Variants in SH3TC1 observed in about 807,000 individuals in gnomAD.
SH3TC1 encodes SH3 domain and tetratricopeptide repeats 1.
A neutral mutation model predicts 117.3 loss-of-function variants in SH3TC1; 135 were observed. The ratio of observed to expected loss-of-function variants is 1.15; its 90% CI spans 1.00 to 1.33. The LOEUF is 1.33. Among genes scored for constraint, SH3TC1 ranks in the 40% most tolerant of loss-of-function variants. SH3TC1 has a pLI of 0.00. For synonymous variants in SH3TC1, 898 were observed against 816.9 expected, an observed-to-expected ratio of 1.10 and a Z score of -1.69; for missense variants, 2,092 against 1,794.3, an observed-to-expected ratio of 1.17 and a Z score of -3.00.
At chr4:8,213,645 C>A (rs906314511) in intron 4 of SH3TC1, among the ~76,000 whole-genome samples, 6 of 152,126 alleles carry the variant, frequency 3.9e-5, no homozygotes, top group Non-Finnish European at 7.3e-5. Flanking sequence ...CACCTGTAAT[C>A]CTAGCACTTT....
intron 13 of SH3TC1, chr4:8,233,030 T>A: frequency 8.3e-7 from 1 of 1,212,094 alleles, no homozygotes; most frequent in Non-Finnish European, 1.0e-6. Flanking sequence ...TTGAGAACCA[T>A]CGGCCTGGAT....
chr4:8,209,599 G>T lies in SH3TC1; in HGVS notation c.173-149G>T. Reference sequence around the variant, plus strand: ...TTCCCTCCTTGCTGGGCTCTGGGGAGACTGGAGGAAGGCAGCTGTGGGAAA... The same window carrying T: ...TTCCCTCCTTGCTGGGCTCTGGGGATACTGGAGGAAGGCAGCTGTGGGAAA... On this transcript the variant is annotated intron_variant, in intron 2 of 17. Coordinates refer to ENST00000245105, the MANE Select transcript of SH3TC1 (RefSeq NM_018986.5). This position sits in a 1 kb window ranked among gnomAD's most constrained non-coding sequence, Gnocchi z 5.9. 1 of 1,531,456 alleles carries T rather than the reference G, an allele frequency of 6.5e-7. No individual in the cohort carries two copies. Among genetic ancestry groups the T allele is most frequent in the Non-Finnish European group, 8.8e-7 (1 of 1,141,572 alleles). 94.9% of individuals were successfully genotyped at this position (1,531,456 alleles called of 1,614,324 possible).
chr4:8,238,354 G>A (rs1003311563), intron 17 of SH3TC1, among the ~76,000 whole-genome samples: 12 of 152,164 alleles, frequency 7.9e-5, no homozygotes, highest in African/African-American at 1.4e-4. Flanking sequence ...CTCCCTCTGC[G>A]CCCAGCCCTG....
chr4:8,238,467 G>T (rs958447942), intron 17 of SH3TC1, among the ~76,000 whole-genome samples: 2 of 152,186 alleles, frequency 1.3e-5, no homozygotes, highest in Non-Finnish European at 2.9e-5. Context: ...GCACTGCATC[G>T]GTGCTCGTTG....
At chr4:8,233,585 T>G in intron 14 of SH3TC1, 72 bp downstream of exon 14, 1 of 1,463,556 alleles carries the variant, frequency 6.8e-7, no homozygotes, top group Non-Finnish European at 9.1e-7. Flanking sequence ...CCATTGATGA[T>G]GATGATAGAT....
chr4:8,206,366 C>T lies in SH3TC1; in HGVS notation c.172+1000C>T, dbSNP rs1295448844. ...CCTGGCCATGGAATCGCGTTCCCTCCAGGGCAGGCCTCATGAAAGGAAGGG... is the reference window on the plus strand; with the variant it reads ...CCTGGCCATGGAATCGCGTTCCCTCTAGGGCAGGCCTCATGAAAGGAAGGG... On this transcript the variant is annotated intron_variant, in intron 2 of 17. Transcript: ENST00000245105. This position sits in a 1 kb window ranked among gnomAD's most constrained non-coding sequence, Gnocchi z 5.5. Among the ~76,000 whole-genome samples, 1 of 152,014 alleles carries T rather than the reference C, an allele frequency of 6.6e-6. No individual in the cohort carries two copies. Among genetic ancestry groups the T allele is most frequent in the Non-Finnish European group, 1.5e-5 (1 of 67,980 alleles).
At chr4:8,215,324 C>A (rs141867972) in intron 5 of SH3TC1, 2 of 445,274 alleles carry the variant, frequency 4.5e-6, no homozygotes, top group East Asian at 1.4e-4. Flanking sequence ...TCTTGCGACA[C>A]CACCCTTGAT....
rs943090338 is a variant in SH3TC1, at chr4:8,192,375, G to A, written c.-57+10165G>A. On this transcript the variant is annotated intron_variant, in intron 1 of 16. Coordinates refer to the SH3TC1 transcript ENST00000508641. The surrounding 1 kb of genome is among the most constrained non-coding windows in gnomAD (Gnocchi z 4.1). ...GTGACCTTGGGTAAAGGTCATTTTC[G>A]CCCTGCCCCTCAGTCTCCCCATTTG... Among the ~76,000 whole-genome samples the A allele has an allele frequency of 2.0e-5, 3 of 151,948 alleles. No individual in the cohort carries two copies. The highest frequency in any genetic ancestry group is 4.4e-5 in the Non-Finnish European group (3 of 67,986).
chr4:8,197,359 G>A (rs924415272), upstream of SH3TC1, among the ~76,000 whole-genome samples: 1 of 152,168 alleles, frequency 6.6e-6, no homozygotes, highest in African/African-American at 2.4e-5. Context: ...CCCAGTTTGT[G>A]GCACACAGTT....
At chr4:8,216,699 G>A (rs1157261413) in intron 6 of SH3TC1, among the ~76,000 whole-genome samples, 5 of 152,128 alleles carry the variant, frequency 3.3e-5, no homozygotes, top group African/African-American at 4.8e-5. Flanking sequence ...GCTCCGCATC[G>A]CACAGTCAGG....
At chr4:8,212,985 C>A in intron 4 of SH3TC1, 157 bp downstream of exon 4, 3 of 998,760 alleles carry the variant, frequency 3.0e-6, no homozygotes, top group South Asian at 3.5e-5. Flanking sequence ...GGCTGTGATA[C>A]CCAGTGGGTG....
chr4:8,195,390 C>T (rs1170078587), upstream of SH3TC1, among the ~76,000 whole-genome samples: 2 of 152,172 alleles, frequency 1.3e-5, no homozygotes, highest in Non-Finnish European at 2.9e-5. Flanking sequence ...TGTGCTTCTG[C>T]CCCAGTGTCT....
At chr4:8,187,825 C>T (rs1475674161) in intron 1 of SH3TC1, among the ~76,000 whole-genome samples, 2 of 152,204 alleles carry the variant, frequency 1.3e-5, no homozygotes, top group African/African-American at 2.4e-5. Flanking sequence ...GCTGGGATTA[C>T]AGGCGTGAGC....
chr4:8,214,684 T>G, intron 5 of SH3TC1, 104 bp downstream of exon 5: 2 of 897,272 alleles, frequency 2.2e-6, no homozygotes, highest in South Asian at 3.0e-5. Context: ...GTTTATTTAT[T>G]TATTGATGTA....
chr4:8,239,630 A>G (rs1447829041), intron 17 of SH3TC1, among the ~76,000 whole-genome samples: 1 of 152,200 alleles, frequency 6.6e-6, no homozygotes, highest in Non-Finnish European at 1.5e-5. Context: ...GGACACAGGC[A>G]CATGCACACA....
intron 13 of SH3TC1, 86 bp from the exon 14 acceptor site, chr4:8,233,277 T>A: frequency 6.6e-7 from 1 of 1,509,940 alleles, no homozygotes; most frequent in Non-Finnish European, 8.8e-7. Flanking sequence ...CCATTCCAGA[T>A]TCATCTGTCA....
In SH3TC1 at chr4:8,194,123, C is replaced by T. The variant is rs184835462; in HGVS notation, c.-57+11913C>T. Among the ~76,000 whole-genome samples the T allele has an allele frequency of 8.0e-3, 1,222 of 152,244 alleles. 16 individuals carry two copies. The highest frequency in any genetic ancestry group is 0.027 in the African/African-American group (1,125 of 41,554). On this transcript the variant is annotated intron_variant, in intron 1 of 16. Coordinates refer to the SH3TC1 transcript ENST00000508641. ...CTGGTCAGCACTCAGGGTGTGCCTCCGAGGCTCTGGCTAGGAGCTGTCCTG... is the reference window on the plus strand; with the variant it reads ...CTGGTCAGCACTCAGGGTGTGCCTCTGAGGCTCTGGCTAGGAGCTGTCCTG...
At chr4:8,234,338 C>T (rs1721597761) in intron 14 of SH3TC1, among the ~76,000 whole-genome samples, 1 of 151,718 alleles carries the variant, frequency 6.6e-6, no homozygotes, top group Non-Finnish European at 1.5e-5. Flanking sequence ...CTCCATTCGT[C>T]TGTCTGTCCA....
At chr4:8,233,588 T>C in intron 14 of SH3TC1, 75 bp downstream of exon 14, 1 of 1,462,282 alleles carries the variant, frequency 6.8e-7, no homozygotes, top group Non-Finnish European at 9.1e-7. Context: ...TTGATGATGA[T>C]GATAGATGAT....
Sources: gnomAD v4.1 joint callset for allele counts (sites outside exome capture counted in the v4.1 genomes callset) on GRCh38, gnomAD v4.1.1 for gene constraint, Gnocchi (gnomAD v3.1) non-coding constraint, MANE v1.5 for transcripts, NCBI Gene and HGNC (gene_info 2026-07-23, HGNC 2026-07-21) for gene names.